Variants in COL23A1 observed in about 807,000 individuals in gnomAD.
COL23A1 encodes collagen type XXIII alpha 1 chain, also known as collagen alpha-1(XXIII) chain.
Under a neutral mutation model 99.3 loss-of-function variants are expected in COL23A1, and 97 were observed. That is an observed-to-expected ratio of 0.98 (90% confidence interval 0.83 to 1.16). COL23A1 has a LOEUF of 1.16. Among genes scored for constraint, COL23A1 ranks in the 50% most tolerant of loss-of-function variants. The pLI, the probability that COL23A1 is intolerant of heterozygous loss-of-function variation, is 0.00. For missense variants in COL23A1, 762 were observed against 757.4 expected (o/e 1.01, Z -0.07); for synonymous variants, 320 against 308.2 (o/e 1.04, Z -0.40).
At chr5:178,404,717 G>A (rs1039312677) in intron 2 of COL23A1, among the ~76,000 whole-genome samples, 4 of 152,040 alleles carry the variant, frequency 2.6e-5, no homozygotes, top group South Asian at 2.1e-4. Flanking sequence ...CATGTCCTCC[G>A]TCCCCTCAGA....
chr5:178,257,658 C>G, intron 12 of COL23A1, 91 bp from the exon 13 acceptor site: 1 of 1,301,236 alleles, frequency 7.7e-7, no homozygotes, highest in Non-Finnish European at 1.1e-6. Context: ...CACCAGTCTG[C>G]TCCTGGCATC....
chr5:178,427,900 T>G (rs907698913), intron 2 of COL23A1, among the ~76,000 whole-genome samples: 15 of 152,218 alleles, frequency 9.9e-5, no homozygotes, highest in African/African-American at 3.1e-4. Flanking sequence ...TGTGTATTTA[T>G]CCAAACCCAC....
chr5:178,341,079 G>A (rs1183637695), intron 2 of COL23A1, among the ~76,000 whole-genome samples: 2 of 152,224 alleles, frequency 1.3e-5, no homozygotes, highest in Non-Finnish European at 2.9e-5. Flanking sequence ...GTGGAGCAGG[G>A]CCTGGCTGCA....
intron 2 of COL23A1, among the ~76,000 whole-genome samples, chr5:178,459,564 C>G (rs1204199887): frequency 2.0e-5 from 3 of 152,152 alleles, no homozygotes; most frequent in Non-Finnish European, 1.5e-5. Context: ...GAGTTTGAGA[C>G]CAGCCTGGAC....
chr5:178,259,740 G>C lies in COL23A1; in HGVS notation c.710C>G (p.Pro237Arg). The change falls in exon 12 of 29, where the codon CCT (proline) becomes CGT (arginine). Residue 237 changes from proline (P) to arginine (R), a missense_variant. Physicochemically the swap from Pro to Arg is moderately radical, Grantham distance 103. Coordinates refer to ENST00000390654, the MANE Select transcript of COL23A1 (RefSeq NM_173465.4). ...PKGPPGPKGE[P>R]GVPGKKGDDG... is the part of the protein sequence containing the mutation. The stretch of plus-strand genomic sequence containing the variant: ...TCTCACCTTCTTTCCAGGTACTCCA[G>C]GCTCACCCTGGGGGAGGCAATGGGG... 6.2e-7 allele frequency: 1 copy of C among 1,603,750 alleles called. No individual in the cohort carries two copies. The highest frequency in any genetic ancestry group is 1.1e-5 in the South Asian group (1 of 89,394).
intron 1 of COL23A1, among the ~76,000 whole-genome samples, chr5:178,566,098 G>A (rs1366906538): frequency 6.6e-6 from 1 of 152,084 alleles, no homozygotes; most frequent in African/African-American, 2.4e-5. Flanking sequence ...TTGCACTCCA[G>A]CCTGGGCAAC....
rs745349128 is a variant in COL23A1, at chr5:178,589,289, C to T, written c.294+615G>A. Among the ~76,000 whole-genome samples the T allele has an allele frequency of 1.3e-5, 2 of 152,134 alleles. No individual in the cohort carries two copies. The highest frequency in any genetic ancestry group is 2.4e-5 in the African/African-American group (1 of 41,430). ...AAACCAGAATCCAGGTCCTCCACCC[C>T]CGATTGTTTCTCCTTCCTCTCATCT... On this transcript the variant is annotated intron_variant, in intron 1 of 28. Transcript: ENST00000390654. This position sits in a 1 kb window ranked among gnomAD's most constrained non-coding sequence, Gnocchi z 5.4.
chr5:178,245,683 C>T (rs955688921), intron 25 of COL23A1, among the ~76,000 whole-genome samples: 5 of 152,204 alleles, frequency 3.3e-5, no homozygotes, highest in Admixed American at 2.0e-4. Flanking sequence ...GATTCATCCT[C>T]CATTGTCCAT....
chr5:178,472,688 T>C (rs976827712), intron 2 of COL23A1, among the ~76,000 whole-genome samples: 1 of 152,194 alleles, frequency 6.6e-6, no homozygotes, highest in African/African-American at 2.4e-5. Context: ...AGGCTCTGGC[T>C]GCTTAAGTGA....
At chr5:178,400,203 A>T (rs1764364122) in intron 2 of COL23A1, among the ~76,000 whole-genome samples, 1 of 151,872 alleles carries the variant, frequency 6.6e-6, no homozygotes. Flanking sequence ...TGTCCCTACT[A>T]AAAATACAAA....
intron 2 of COL23A1, among the ~76,000 whole-genome samples, chr5:178,399,560 G>A (rs553026317): frequency 4.6e-5 from 7 of 152,304 alleles, no homozygotes; most frequent in African/African-American, 1.2e-4. Flanking sequence ...CAAGGCCCAC[G>A]CCCCTGCACG....
rs72819089 is a variant in COL23A1, at chr5:178,307,138, C to T, written c.362-219G>A. Among the ~76,000 whole-genome samples the T allele has an allele frequency of 0.019, 2,954 of 152,208 alleles. 36 individuals carry two copies. Among genetic ancestry groups the T allele is most frequent in the Middle Eastern group, 0.031 (9 of 294 alleles). ...CCGCCAACCCCCCTCCCCAGGTGGC[C>T]GCATCCCTCATGCCCCACGCACCCA... On this transcript the variant is annotated intron_variant, in intron 2 of 28. Coordinates refer to ENST00000390654, the MANE Select transcript of COL23A1 (RefSeq NM_173465.4). This position sits in a 1 kb window ranked among gnomAD's most constrained non-coding sequence, Gnocchi z 4.2.
chr5:178,279,882 G>A (rs907950046), intron 5 of COL23A1, among the ~76,000 whole-genome samples: 1 of 152,168 alleles, frequency 6.6e-6, no homozygotes, highest in Non-Finnish European at 1.5e-5. Flanking sequence ...CGGGAGCCCC[G>A]CCTCCTAGCC....
chr5:178,379,248 C>A (rs752521999), intron 2 of COL23A1, among the ~76,000 whole-genome samples: 15 of 151,910 alleles, frequency 9.9e-5, no homozygotes, highest in Non-Finnish European at 2.1e-4. Flanking sequence ...TAAAAAAAAC[C>A]CTTATTCATT....
At chr5:178,370,651 A>G (rs1269667610) in intron 2 of COL23A1, among the ~76,000 whole-genome samples, 1 of 152,202 alleles carries the variant, frequency 6.6e-6, no homozygotes, top group Non-Finnish European at 1.5e-5. Flanking sequence ...GATGGGTTGC[A>G]CCCAGGAGAT....
chr5:178,428,952 G>A lies in COL23A1; in HGVS notation c.362-122033C>T, dbSNP rs1268972951. Among the ~76,000 whole-genome samples, 1 of 151,094 alleles carries A rather than the reference G, an allele frequency of 6.6e-6. No individual in the cohort carries two copies. The highest frequency in any genetic ancestry group is 2.4e-5 in the African/African-American group (1 of 40,876). ...ACAGACAGGCAGGCCCTCCGTGAGT[G>A]TCCTGAGACCCTACCACACCCCAGT... is the stretch of plus-strand genomic sequence containing the variant. On this transcript the variant is annotated intron_variant, in intron 2 of 28. Coordinates refer to ENST00000390654, the MANE Select transcript of COL23A1 (RefSeq NM_173465.4). This position sits in a 1 kb window ranked among gnomAD's most constrained non-coding sequence, Gnocchi z 5.0.
chr5:178,253,438 C>T (rs1171917225), intron 16 of COL23A1, among the ~76,000 whole-genome samples: 1 of 152,040 alleles, frequency 6.6e-6, no homozygotes, highest in East Asian at 1.9e-4. Flanking sequence ...ATTCACTGTC[C>T]ATATCATTCC....
At chr5:178,358,399 GTGTATGTGTGTATGTGTA>G (rs200326153) in intron 2 of COL23A1, among the ~76,000 whole-genome samples, 11,654 of 142,426 alleles carry the variant, frequency 0.082, 536 homozygotes, top group Middle Eastern at 0.23. Context: ...GTATGTGTAT[GTGTATGTGTGTATGTGTA>G]TGTGTGTGTA....
At chr5:178,518,162 A>T (rs563172510) in intron 2 of COL23A1, among the ~76,000 whole-genome samples, 9 of 139,438 alleles carry the variant, frequency 6.5e-5, no homozygotes, top group Admixed American at 2.1e-4. Flanking sequence ...CCCTTAATCC[A>T]TTTAACCCTG....
Sources: gnomAD v4.1 joint callset for allele counts (sites outside exome capture counted in the v4.1 genomes callset) on GRCh38, gnomAD v4.1.1 for gene constraint, Gnocchi (gnomAD v3.1) non-coding constraint, MANE v1.5 for transcripts, NCBI Gene and HGNC (gene_info 2026-07-23, HGNC 2026-07-21) for gene names.